Variants in ME1 observed in about 807,000 individuals in gnomAD.
ME1 encodes the protein malic enzyme 1.
ME1 carries 74 observed loss-of-function variants against 66.4 expected under a neutral mutation model. The ratio of observed to expected loss-of-function variants is 1.11; its 90% CI spans 0.92 to 1.35. The LOEUF (loss-of-function observed/expected upper bound fraction) is 1.35, where lower values mean the gene tolerates loss of function less well. Among genes scored for constraint, ME1 ranks in the 40% most tolerant of loss-of-function variants. The pLI, the probability that ME1 is intolerant of heterozygous loss-of-function variation, is 0.00. For missense variants in ME1, 750 were observed against 694.1 expected, an observed-to-expected ratio of 1.08 and a Z score of -0.90; for synonymous variants, 251 against 235.6, an observed-to-expected ratio of 1.07 and a Z score of -0.60.
chr6:83,395,571 A>T (rs1006813201), intron 3 of ME1, among the ~76,000 whole-genome samples: 3 of 150,836 alleles, frequency 2.0e-5, no homozygotes, highest in African/African-American at 7.3e-5. Context: ...CACTTCCCAG[A>T]TTCAAGCGAT....
intron 7 of ME1, among the ~76,000 whole-genome samples, chr6:83,251,077 T>C (rs143465763): frequency 2.6e-5 from 4 of 152,346 alleles, no homozygotes; most frequent in South Asian, 4.1e-4. Context: ...TAACGTTAAA[T>C]ACTTTCTGTG....
intron 6 of ME1, among the ~76,000 whole-genome samples, chr6:83,281,722 C>T (rs975633718): frequency 2.6e-4 from 38 of 145,612 alleles, no homozygotes; most frequent in African/African-American, 9.3e-4. Context: ...ATGAGAATCA[C>T]CTGAACCTGG....
intron 1 of ME1, among the ~76,000 whole-genome samples, chr6:83,427,759 C>T (rs928560527): frequency 6.6e-6 from 1 of 152,074 alleles, no homozygotes; most frequent in Admixed American, 6.5e-5. Flanking sequence ...CGCCTGTAAT[C>T]CCAACACTTT....
At chr6:83,392,925 G>C in intron 3 of ME1, 1 of 813,752 alleles carries the variant, frequency 1.2e-6, no homozygotes, top group South Asian at 1.3e-5. Context: ...CTTTGGTACC[G>C]TGGAAGGACT....
chr6:83,239,888 TAATC>T (rs1790479384), intron 7 of ME1, among the ~76,000 whole-genome samples: 2 of 152,078 alleles, frequency 1.3e-5, no homozygotes, highest in African/African-American at 4.8e-5. Flanking sequence ...CTTAGTGACA[TAATC>T]AATGAAAGGA....
chr6:83,275,268 A>G (rs1767155450), intron 6 of ME1, among the ~76,000 whole-genome samples: 1 of 151,644 alleles, frequency 6.6e-6, no homozygotes, highest in African/African-American at 2.4e-5. Context: ...TGGGAGCTGG[A>G]GGTTGCCGTG....
intron 6 of ME1, among the ~76,000 whole-genome samples, chr6:83,310,830 C>T (rs1429109599): frequency 6.6e-6 from 1 of 152,148 alleles, no homozygotes; most frequent in Non-Finnish European, 1.5e-5. Flanking sequence ...ATGTTCTCAG[C>T]TTCTGTAGCT....
intron 6 of ME1, among the ~76,000 whole-genome samples, chr6:83,273,697 C>A (rs1461650150): frequency 6.6e-6 from 1 of 152,086 alleles, no homozygotes; most frequent in African/African-American, 2.4e-5. Context: ...CAGGTAAAAT[C>A]ATTACCATTT....
chr6:83,244,700 T>C (rs933802487), intron 7 of ME1, among the ~76,000 whole-genome samples: 1 of 152,072 alleles, frequency 6.6e-6, no homozygotes, highest in East Asian at 1.9e-4. Context: ...GCCACAGATA[T>C]TTAGAATTTT....
intron 6 of ME1, 64 bp from the exon 7 acceptor site, chr6:83,253,802 A>T: frequency 1.2e-6 from 1 of 811,078 alleles, no homozygotes; most frequent in African/African-American, 1.7e-5. Context: ...ATAAACTTTT[A>T]AAATTAGCCC....
At chr6:83,416,556 T>G (rs530973226) in intron 1 of ME1, among the ~76,000 whole-genome samples, 21 of 152,298 alleles carry the variant, frequency 1.4e-4, no homozygotes, top group Admixed American at 1.0e-3. Context: ...TGAGATTTAG[T>G]ATTTCCTTCC....
At chr6:83,303,866 A>C (rs186758313) in intron 6 of ME1, among the ~76,000 whole-genome samples, 188 of 152,172 alleles carry the variant, frequency 1.2e-3, no homozygotes, top group Non-Finnish European at 2.3e-3. Context: ...AACAATAAGG[A>C]ATAACAACCT....
intron 6 of ME1, among the ~76,000 whole-genome samples, chr6:83,300,703 A>G (rs1767699170): frequency 7.0e-6 from 1 of 143,448 alleles, no homozygotes; most frequent in African/African-American, 2.6e-5. Flanking sequence ...CTGGGTACAT[A>G]TCCAAAGGAT....
intron 4 of ME1, among the ~76,000 whole-genome samples, chr6:83,349,376 C>T (rs538461468): frequency 1.4e-4 from 21 of 152,120 alleles, no homozygotes; most frequent in South Asian, 6.2e-4. Flanking sequence ...GTTTTCTGTA[C>T]GATAATTAAG....
chr6:83,368,721 T>A (rs1397060851), intron 3 of ME1, among the ~76,000 whole-genome samples: 2 of 151,980 alleles, frequency 1.3e-5, no homozygotes, highest in Non-Finnish European at 2.9e-5. Flanking sequence ...TTTGGCTTCT[T>A]ATTAAGAAAG....
chr6:83,312,183 T>C (rs1767942819), intron 6 of ME1, among the ~76,000 whole-genome samples: 2 of 152,202 alleles, frequency 1.3e-5, no homozygotes, highest in Non-Finnish European at 2.9e-5. Flanking sequence ...AGAAGGACTA[T>C]TCAAATGTCT....
intron 6 of ME1, among the ~76,000 whole-genome samples, chr6:83,294,436 A>G (rs543500709): frequency 2.0e-5 from 3 of 152,240 alleles, no homozygotes; most frequent in Admixed American, 6.5e-5. Context: ...CAGCACACAC[A>G]GTCACCATAC....
At chr6:83,301,314 TTCTCTC>T (rs560570045) in intron 6 of ME1, among the ~76,000 whole-genome samples, 84 of 141,422 alleles carry the variant, frequency 5.9e-4, no homozygotes, top group South Asian at 3.4e-3. Flanking sequence ...CTTTCTTTCT[TTCTCTC>T]TCTCTCTCTC....
chr6:83,406,831 C>T (rs1769953215), intron 2 of ME1, among the ~76,000 whole-genome samples: 2 of 152,112 alleles, frequency 1.3e-5, no homozygotes, highest in African/African-American at 4.8e-5. Context: ...ATAAATTTTG[C>T]CAGCACACTG....
Sources: allele counts gnomAD v4.1 joint callset (sites outside exome capture counted in the v4.1 genomes callset), GRCh38; gene constraint gnomAD v4.1.1; transcripts MANE v1.5; gene names NCBI Gene and HGNC (gene_info 2026-07-23, HGNC 2026-07-21).